NHSL2: variants seen among roughly 807,000 people sequenced by gnomAD.
The protein encoded by NHSL2 is NHS-like protein 2.
A neutral mutation model predicts 53.4 loss-of-function variants in NHSL2; 27 were observed. The observed-to-expected ratio is 0.51, with a 90% CI of 0.37 to 0.70. The LOEUF is 0.70. Among genes scored for constraint, NHSL2 ranks in the 30% least tolerant of loss-of-function variants. NHSL2 has a pLI of 0.00. For missense variants in NHSL2, 892 were observed against 980.1 expected, an observed-to-expected ratio of 0.91 and a Z score of 1.20; for synonymous variants, 408 against 404.1, an observed-to-expected ratio of 1.01 and a Z score of -0.12.
chrX:72,003,512 A>G (rs1002951839), intron 1 of NHSL2, among the ~76,000 whole-genome samples: 5 of 110,635 alleles, frequency 4.5e-5, no homozygotes, highest in African/African-American at 1.6e-4. Context: ...ACTGGGTTCA[A>G]CTCTCTCCTC....
intron 1 of NHSL2, among the ~76,000 whole-genome samples, chrX:71,993,276 A>T (rs1333982008): frequency 8.9e-6 from 1 of 112,557 alleles, no homozygotes; most frequent in African/African-American, 3.2e-5. Context: ...CCCTTGGTTG[A>T]AGACCCATAC....
intron 1 of NHSL2, chrX:72,129,874 C>G: frequency 8.3e-7 from 1 of 1,205,999 alleles, no homozygotes; most frequent in Non-Finnish European, 1.1e-6. Flanking sequence ...GCCCCCCTGT[C>G]TCGGAGTGAG....
At chrX:71,986,652 T>A (rs931363353) in intron 1 of NHSL2, among the ~76,000 whole-genome samples, 2 of 112,602 alleles carry the variant, frequency 1.8e-5, no homozygotes, top group African/African-American at 6.5e-5. Flanking sequence ...TATCCAGTTT[T>A]AATTAGTTTG....
chrX:72,135,905 G>A (rs745405671), intron 4 of NHSL2, among the ~76,000 whole-genome samples: 74 of 111,219 alleles, frequency 6.7e-4, no homozygotes, highest in South Asian at 1.9e-3. Context: ...GCGTGGTGGC[G>A]CACACCTGTG....
At chrX:72,060,073 G>A (rs1454521072) in intron 1 of NHSL2, among the ~76,000 whole-genome samples, 3 of 112,019 alleles carry the variant, frequency 2.7e-5, no homozygotes, top group African/African-American at 9.8e-5. Flanking sequence ...GGGGAAAAAA[G>A]TGCATTTGAC....
intron 1 of NHSL2, among the ~76,000 whole-genome samples, chrX:72,006,459 C>G (rs1169394625): frequency 8.9e-6 from 1 of 112,189 alleles, no homozygotes; most frequent in Non-Finnish European, 1.9e-5. Flanking sequence ...GCTCTTTGAC[C>G]CTCTTTCCAT....
intron 1 of NHSL2, among the ~76,000 whole-genome samples, chrX:71,928,038 T>C (rs1235921278): frequency 8.8e-6 from 1 of 113,088 alleles, no homozygotes; most frequent in Non-Finnish European, 1.9e-5. Flanking sequence ...GTAATACTTC[T>C]AAGTGTTGAG....
chrX:71,923,860 A>G (rs917086112), intron 1 of NHSL2, among the ~76,000 whole-genome samples: 1 of 112,296 alleles, frequency 8.9e-6, no homozygotes, highest in Non-Finnish European at 1.9e-5. Context: ...ATGGGAAAAC[A>G]TGGAAATCAT....
intron 1 of NHSL2, among the ~76,000 whole-genome samples, chrX:72,119,179 CA>C (rs1358292995): frequency 1.8e-5 from 2 of 111,374 alleles, no homozygotes; most frequent in African/African-American, 3.3e-5. Flanking sequence ...ATTACTATAG[CA>C]TTGTATAAAG....
intron 1 of NHSL2, among the ~76,000 whole-genome samples, chrX:71,962,659 TCA>T (rs2041873433): frequency 1.1e-5 from 1 of 90,772 alleles, no homozygotes; most frequent in Non-Finnish European, 2.1e-5. Context: ...AGACCAGATC[TCA>T]CTCTGTCACC....
In NHSL2 at chrX:72,021,808, G is replaced by A. The variant is rs182927660; in HGVS notation, c.281-110271G>A. Among the ~76,000 whole-genome samples the A allele has an allele frequency of 9.9e-5, 11 of 111,486 alleles. No individual in the cohort carries two copies. The East Asian group carries it at 2.8e-3, about 29-fold the overall frequency. On this transcript the variant is annotated intron_variant, in intron 1 of 7. Coordinates refer to ENST00000633930, the MANE Select transcript of NHSL2 (RefSeq NM_001013627.3). ...CAGAAGCCTTCAGAGAAACCCTCTT[G>A]CCTATAGAATTGAAACTTCTGAGCC...
chrX:72,140,638 G>A lies in NHSL2; in HGVS notation c.3090G>A (p.Arg1030=), dbSNP rs773464421. 8.3e-7 allele frequency: 1 copy of A among 1,211,915 alleles called. No homozygotes were observed. The highest frequency in any genetic ancestry group is 1.8e-5 in the South Asian group (1 of 57,001). The change falls in exon 6 of 8, where the codon AGG becomes AGA. Residue 1030 remains arginine, a synonymous_variant. Coordinates refer to ENST00000633930, the MANE Select transcript of NHSL2 (RefSeq NM_001013627.3). The part of the protein sequence containing the change: ...AQMEAYVAEP[R]LPLSPIITLE... ...TGGAGGCCTATGTGGCAGAACCAAG[G>A]CTGCCTCTCAGCCCCATCATCACCC...
chrX:71,952,480 G>C (rs933061631), intron 1 of NHSL2, among the ~76,000 whole-genome samples: 8 of 111,534 alleles, frequency 7.2e-5, no homozygotes, highest in Non-Finnish European at 1.5e-4. Flanking sequence ...GAAAGTCCAA[G>C]ATAAGGCGCC....
intron 1 of NHSL2, among the ~76,000 whole-genome samples, chrX:72,107,341 T>TA (rs1280941406): frequency 8.9e-6 from 1 of 112,092 alleles, no homozygotes; most frequent in East Asian, 2.8e-4. Context: ...TGCACTTTCT[T>TA]AAAAAATCTT....
chrX:72,098,444 G>A (rs1194772325), intron 1 of NHSL2, among the ~76,000 whole-genome samples: 1 of 110,443 alleles, frequency 9.1e-6, no homozygotes, highest in East Asian at 2.8e-4. Flanking sequence ...AGCCGGGCGT[G>A]GTGGCGGGCG....
At chrX:72,056,705 T>C (rs1330818010) in intron 1 of NHSL2, among the ~76,000 whole-genome samples, 1 of 112,350 alleles carries the variant, frequency 8.9e-6, no homozygotes, top group Non-Finnish European at 1.9e-5. Flanking sequence ...ATGGACTGGC[T>C]GAAGAAATGA....
chrX:72,133,520 T>A (rs1463504200), intron 2 of NHSL2: 1 of 91,204 alleles, frequency 1.1e-5, no homozygotes, highest in Non-Finnish European at 2.2e-5. Flanking sequence ...TTCTGCCTCT[T>A]TTATGCTGTT....
chrX:71,925,420 CT>C lies in NHSL2; in HGVS notation c.280+14069del, dbSNP rs775266941. ...AGAGAGGGAGTGGCATGTTTTTGCA[CT>C]TTTTTTTTTTTTTTTAAGACGGAGT... is the stretch of plus-strand genomic sequence containing the variant. On this transcript the variant is annotated intron_variant, in intron 1 of 7. Transcript: ENST00000633930. Among the ~76,000 whole-genome samples, 418 of 99,520 alleles carry C rather than the reference CT, an allele frequency of 4.2e-3. 1 individual carries two copies. Among genetic ancestry groups the C allele is most frequent in the African/African-American group, 6.4e-3 (177 of 27,649 alleles). 86.4% of individuals were successfully genotyped at this position (99,520 alleles called of 115,157 possible).
At chrX:72,032,630 G>T (rs1476714595) in intron 1 of NHSL2, among the ~76,000 whole-genome samples, 3 of 111,437 alleles carry the variant, frequency 2.7e-5, no homozygotes, top group Admixed American at 9.5e-5. Flanking sequence ...AGACAAAGGT[G>T]GGCAGATCAC....
Sources: allele counts gnomAD v4.1 joint callset (sites outside exome capture counted in the v4.1 genomes callset), GRCh38; gene constraint gnomAD v4.1.1; transcripts MANE v1.5; gene names NCBI Gene and HGNC (gene_info 2026-07-23, HGNC 2026-07-21).